The following DNM3 variants were observed in gnomAD, a reference collection of about 807,000 sequenced individuals.
DNM3 encodes the protein dynamin 3.
In DNM3, 47 loss-of-function variants were observed where a neutral mutation model predicts 101.6. The ratio of observed to expected loss-of-function variants is 0.46; its 90% CI spans 0.37 to 0.59. DNM3 has a LOEUF of 0.59. Among genes scored for constraint, DNM3 ranks in the 20% least tolerant of loss-of-function variants. The pLI is 0.00. For synonymous variants in DNM3, 385 were observed against 387.9 expected, an observed-to-expected ratio of 0.99 and a Z score of 0.09; for missense variants, 849 against 1,085.7, an observed-to-expected ratio of 0.78 and a Z score of 3.06.
chr1:171,949,581 A>T (rs1025845964), intron 2 of DNM3, among the ~76,000 whole-genome samples: 5 of 144,144 alleles, frequency 3.5e-5, no homozygotes, highest in Admixed American at 7.0e-5. Flanking sequence ...GGCTAATGAA[A>T]TTTTTTTTTT....
At chr1:172,225,014 A>C (rs549682312) in intron 14 of DNM3, among the ~76,000 whole-genome samples, 29 of 151,680 alleles carry the variant, frequency 1.9e-4, no homozygotes, top group Middle Eastern at 6.8e-3. Context: ...AAGCGACATG[A>C]TGTGCCCAGT....
intron 4 of DNM3, among the ~76,000 whole-genome samples, chr1:171,989,732 G>A (rs1400983471): frequency 6.6e-6 from 1 of 152,192 alleles, no homozygotes; most frequent in South Asian, 2.1e-4. Context: ...GTTGAATAAC[G>A]ACAGTTTATC....
chr1:172,149,424 A>G (rs1235173134), intron 14 of DNM3, among the ~76,000 whole-genome samples: 1 of 152,172 alleles, frequency 6.6e-6, no homozygotes, highest in Non-Finnish European at 1.5e-5. Context: ...TGACTCCAAT[A>G]AAATTGGAAG....
At chr1:172,386,477 A>G (rs959687109) in intron 18 of DNM3, among the ~76,000 whole-genome samples, 4 of 152,186 alleles carry the variant, frequency 2.6e-5, no homozygotes, top group Non-Finnish European at 5.9e-5. Context: ...TAACTATGCA[A>G]CCTCATGTCA....
At chr1:172,404,564 A>G (rs1387442246) in intron 20 of DNM3, among the ~76,000 whole-genome samples, 4 of 152,224 alleles carry the variant, frequency 2.6e-5, no homozygotes, top group South Asian at 2.1e-4. Context: ...TTACTGTGCC[A>G]TAAGAGTACT....
chr1:171,871,623 T>C (rs1308554262), intron 1 of DNM3, among the ~76,000 whole-genome samples: 1 of 152,202 alleles, frequency 6.6e-6, no homozygotes, highest in Admixed American at 6.5e-5. Flanking sequence ...CCCTAGTAAC[T>C]ATTGCTTTAT....
At chr1:172,383,594 CT>C (rs1233417714) in intron 18 of DNM3, among the ~76,000 whole-genome samples, 1 of 152,124 alleles carries the variant, frequency 6.6e-6, no homozygotes, top group Non-Finnish European at 1.5e-5. Context: ...AAATGGTCTC[CT>C]TGGTAACTGA....
At chr1:172,415,976 T>C (rs1573807030), downstream of DNM3, among the ~76,000 whole-genome samples, 1 of 152,312 alleles carries the variant, frequency 6.6e-6, no homozygotes, top group African/African-American at 2.4e-5. Flanking sequence ...TTGTTAATAA[T>C]TGAGTCTTTT....
chr1:171,975,223 T>C (rs1196710705), intron 2 of DNM3, among the ~76,000 whole-genome samples: 1 of 152,164 alleles, frequency 6.6e-6, no homozygotes, highest in African/African-American at 2.4e-5. Flanking sequence ...AGTCATAGAA[T>C]TATTTCTACC....
At chr1:171,953,649 G>A (rs972156793) in intron 2 of DNM3, among the ~76,000 whole-genome samples, 3 of 151,568 alleles carry the variant, frequency 2.0e-5, no homozygotes, top group African/African-American at 4.9e-5. Context: ...GGCTTGTCTC[G>A]AACTTCTGAC....
At chr1:172,124,772 A>G (rs2056526474) in intron 13 of DNM3, among the ~76,000 whole-genome samples, 1 of 152,190 alleles carries the variant, frequency 6.6e-6, no homozygotes, top group South Asian at 2.1e-4. Context: ...TGACAGGTTA[A>G]TACTAGAACC....
intron 14 of DNM3, among the ~76,000 whole-genome samples, chr1:172,184,291 C>A (rs1294169980): frequency 6.6e-6 from 1 of 152,062 alleles, no homozygotes; most frequent in Non-Finnish European, 1.5e-5. Flanking sequence ...AGAAAATTAT[C>A]ACAAAATAAA....
intron 10 of DNM3, among the ~76,000 whole-genome samples, chr1:172,059,191 T>A (rs2050929490): frequency 1.3e-5 from 2 of 148,660 alleles, no homozygotes; most frequent in Non-Finnish European, 3.0e-5. Flanking sequence ...TCTGAAATTG[T>A]GGCAATAATC....
chr1:172,004,891 G>T (rs907078664), intron 4 of DNM3, among the ~76,000 whole-genome samples: 1 of 152,062 alleles, frequency 6.6e-6, no homozygotes, highest in African/African-American at 2.4e-5. Context: ...AAAAGGATTG[G>T]CAAATAGGCA....
intron 14 of DNM3, among the ~76,000 whole-genome samples, chr1:172,186,353 A>G (rs1358783124): frequency 3.3e-5 from 5 of 151,834 alleles, no homozygotes; most frequent in Non-Finnish European, 7.4e-5. Flanking sequence ...GGGAATGTGG[A>G]CTTGGTTGTT....
intron 1 of DNM3, among the ~76,000 whole-genome samples, chr1:171,905,087 T>A (rs1323745217): frequency 6.6e-6 from 1 of 152,220 alleles, no homozygotes; most frequent in African/African-American, 2.4e-5. Flanking sequence ...TGAACTGATT[T>A]GAATTTGAAA....
intron 4 of DNM3, among the ~76,000 whole-genome samples, chr1:172,018,191 C>T (rs2047581161): frequency 6.6e-6 from 1 of 152,124 alleles, no homozygotes; most frequent in Non-Finnish European, 1.5e-5. Context: ...AGACCATTGA[C>T]ATTCAAGGTG....
At chr1:172,332,672 C>T (rs937121561) in intron 17 of DNM3, among the ~76,000 whole-genome samples, 5 of 152,180 alleles carry the variant, frequency 3.3e-5, no homozygotes, top group African/African-American at 1.2e-4. Flanking sequence ...TATTGCCTAT[C>T]ACTATGGCAG....
chr1:172,142,904 G>A (rs77390878), intron 14 of DNM3, among the ~76,000 whole-genome samples: 4,031 of 151,816 alleles, frequency 0.027, 82 homozygotes, highest in Middle Eastern at 0.082. Context: ...AAACTATATA[G>A]ATTTTTAACA....
Sources: gnomAD v4.1 joint callset for allele counts (sites outside exome capture counted in the v4.1 genomes callset) on GRCh38, gnomAD v4.1.1 for gene constraint, MANE v1.5 for transcripts, NCBI Gene and HGNC (gene_info 2026-07-23, HGNC 2026-07-21) for gene names.